The following FGF14 variants were observed in gnomAD, a reference collection of about 807,000 sequenced individuals.
The protein encoded by FGF14 is fibroblast growth factor homologous factor 4.
FGF14 carries 5 observed loss-of-function variants against 25.5 expected under a neutral mutation model. That is an observed-to-expected ratio of 0.20 (90% CI 0.10 to 0.41). The LOEUF is 0.41. Ranked by LOEUF, FGF14 falls within the 10% of genes least tolerant of loss-of-function variation. FGF14 has a pLI of 1.00. For missense variants in FGF14, 222 were observed against 320.1 expected, an observed-to-expected ratio of 0.69 and a Z score of 2.34; for synonymous variants, 138 against 118.3, an observed-to-expected ratio of 1.17 and a Z score of -1.08.
At chr13:102,330,485 A>T (rs2056600028) in intron 1 of FGF14, among the ~76,000 whole-genome samples, 1 of 152,154 alleles carries the variant, frequency 6.6e-6, no homozygotes, top group Admixed American at 6.5e-5. Flanking sequence ...CTCAAGTCTT[A>T]CAAAATTAAA....
At chr13:101,745,196 C>T (rs375509345) in intron 3 of FGF14, among the ~76,000 whole-genome samples, 20 of 152,060 alleles carry the variant, frequency 1.3e-4, no homozygotes, top group Middle Eastern at 3.4e-3. Flanking sequence ...TATATATACA[C>T]GTTTTATTTA....
At chr13:102,008,801 A>T (rs769569085) in intron 1 of FGF14, among the ~76,000 whole-genome samples, 2 of 152,198 alleles carry the variant, frequency 1.3e-5, no homozygotes, top group Non-Finnish European at 2.9e-5. Flanking sequence ...AGGGACTTTT[A>T]AGAACAGTGA....
chr13:102,183,446 C>G (rs1224603512), intron 1 of FGF14, among the ~76,000 whole-genome samples: 1 of 152,124 alleles, frequency 6.6e-6, no homozygotes, highest in Non-Finnish European at 1.5e-5. Flanking sequence ...GCCAGATCGT[C>G]CCTGCCATAT....
intron 1 of FGF14, among the ~76,000 whole-genome samples, chr13:101,936,389 C>T (rs989364237): frequency 3.9e-5 from 6 of 152,196 alleles, no homozygotes; most frequent in Non-Finnish European, 5.9e-5. Context: ...CCTTAGGCCA[C>T]GTCTCCTAAC....
chr13:102,162,468 G>T (rs146876345), intron 1 of FGF14, among the ~76,000 whole-genome samples: 74 of 152,232 alleles, frequency 4.9e-4, no homozygotes, highest in African/African-American at 1.4e-3. Flanking sequence ...TATATGAGAT[G>T]CAAAAAGATA....
intron 1 of FGF14, among the ~76,000 whole-genome samples, chr13:102,346,629 C>T (rs911935593): frequency 6.6e-6 from 1 of 151,788 alleles, no homozygotes; most frequent in South Asian, 2.1e-4. Flanking sequence ...TACATACACA[C>T]ATTACACATA....
intron 1 of FGF14, among the ~76,000 whole-genome samples, chr13:101,881,326 C>T (rs977253393): frequency 1.3e-5 from 2 of 152,172 alleles, no homozygotes; most frequent in Non-Finnish European, 2.9e-5. Context: ...ATTAGAAACA[C>T]ATTGGAGCTC....
intron 1 of FGF14, among the ~76,000 whole-genome samples, chr13:102,350,039 ATGGTGAC>A (rs1408853635): frequency 5.9e-5 from 9 of 152,348 alleles, no homozygotes; most frequent in Middle Eastern, 3.4e-3. Context: ...AATATGGACT[ATGGTGAC>A]CTGTTAAAAA....
chr13:102,198,039 ACTCTTTCCTCCT>A (rs1265518322), intron 1 of FGF14, among the ~76,000 whole-genome samples: 1 of 151,846 alleles, frequency 6.6e-6, no homozygotes, highest in East Asian at 1.9e-4. Flanking sequence ...CTGGGCACCG[ACTCTTTCCTCCT>A]CTCCCAGCTT....
intron 1 of FGF14, among the ~76,000 whole-genome samples, chr13:102,189,320 A>C (rs1444073142): frequency 1.3e-5 from 2 of 152,240 alleles, no homozygotes. Flanking sequence ...TGAACAGAGC[A>C]GTGATAAAAT....
chr13:102,041,756 T>G (rs1265233237), intron 1 of FGF14, among the ~76,000 whole-genome samples: 1 of 152,114 alleles, frequency 6.6e-6, no homozygotes, highest in Non-Finnish European at 1.5e-5. Context: ...AAGCCAGAAG[T>G]GCTTCCTTAT....
chr13:101,859,118 C>G (rs3007769), intron 3 of FGF14, among the ~76,000 whole-genome samples: 1 of 151,746 alleles, frequency 6.6e-6, no homozygotes, highest in South Asian at 2.1e-4. Context: ...ATTTTTTCAG[C>G]GGGGAAAAAA....
At chr13:101,937,376 C>G (rs776183695) in intron 1 of FGF14, among the ~76,000 whole-genome samples, 65 of 152,010 alleles carry the variant, frequency 4.3e-4, no homozygotes, top group Admixed American at 7.9e-4. Context: ...TCAGGTGGGT[C>G]CTACTGTAAT....
intron 1 of FGF14, among the ~76,000 whole-genome samples, chr13:102,110,491 T>C (rs1566698041): frequency 6.6e-6 from 1 of 152,036 alleles, no homozygotes; most frequent in Non-Finnish European, 1.5e-5. Context: ...TTTACTGGAG[T>C]GTACCCTCAC....
At chr13:101,816,384 C>A (rs2041852622) in intron 3 of FGF14, among the ~76,000 whole-genome samples, 1 of 151,964 alleles carries the variant, frequency 6.6e-6, no homozygotes, top group South Asian at 2.1e-4. Flanking sequence ...CCCTCCCCCG[C>A]CAACATGGTG....
At chr13:102,038,127 C>T (rs2041563341) in intron 1 of FGF14, among the ~76,000 whole-genome samples, 1 of 152,108 alleles carries the variant, frequency 6.6e-6, no homozygotes, top group Non-Finnish European at 1.5e-5. Flanking sequence ...GCATGAAATG[C>T]TTTATTACCC....
At chr13:102,359,399 T>C (rs1158095398) in intron 1 of FGF14, among the ~76,000 whole-genome samples, 1 of 152,194 alleles carries the variant, frequency 6.6e-6, no homozygotes, top group Non-Finnish European at 1.5e-5. Context: ...ACCTTAATAT[T>C]TCTTTCCATA....
chr13:102,316,591 T>A (rs1448357398), intron 1 of FGF14, among the ~76,000 whole-genome samples: 1 of 152,162 alleles, frequency 6.6e-6, no homozygotes, highest in Non-Finnish European at 1.5e-5. Flanking sequence ...ACAAAATACA[T>A]TTACAAATTG....
intron 1 of FGF14, among the ~76,000 whole-genome samples, chr13:101,934,362 C>A (rs2034963422): frequency 6.6e-6 from 1 of 152,098 alleles, no homozygotes; most frequent in Admixed American, 6.5e-5. Context: ...AAGCCAGACA[C>A]AAAAGAGCAC....
Sources: allele counts gnomAD v4.1 joint callset (sites outside exome capture counted in the v4.1 genomes callset), GRCh38; gene constraint gnomAD v4.1.1; transcripts MANE v1.5; gene names NCBI Gene and HGNC (gene_info 2026-07-23, HGNC 2026-07-21).